The following NPHP1 variants were observed in gnomAD, a reference collection of about 807,000 sequenced individuals.
The protein encoded by NPHP1 is nephrocystin-1.
NPHP1 carries 70 observed loss-of-function variants against 90.4 expected under a neutral mutation model. The observed-to-expected ratio is 0.77, with a 90% CI of 0.64 to 0.95. NPHP1 has a LOEUF of 0.95. Among genes scored for constraint, NPHP1 ranks in the 40% least tolerant of loss-of-function variants. NPHP1 has a pLI of 0.00. For synonymous variants in NPHP1, 256 were observed against 271.7 expected (o/e 0.94, Z 0.57); for missense variants, 764 against 795.9 (o/e 0.96, Z 0.48).
intron 18 of NPHP1, chr2:110,126,471 C>T (rs966912305): frequency 6.6e-6 from 1 of 152,356 alleles, no homozygotes; most frequent in Admixed American, 6.5e-5. Flanking sequence ...GAGCGTTTCT[C>T]AGCAGGAGAT....
At chr2:110,160,845 T>A (rs946072954) in intron 10 of NPHP1, among the ~76,000 whole-genome samples, 2 of 152,162 alleles carry the variant, frequency 1.3e-5, no homozygotes, top group Admixed American at 6.5e-5. Flanking sequence ...TACATTCTGC[T>A]TTACGGTCAT....
At chr2:110,175,827 C>T (rs1362452043) in intron 4 of NPHP1, among the ~76,000 whole-genome samples, 1 of 152,086 alleles carries the variant, frequency 6.6e-6, no homozygotes, top group Non-Finnish European at 1.5e-5. Context: ...TCTGAGACTT[C>T]AATTACAAAT....
chr2:110,197,899 A>T (rs892267069), intron 2 of NPHP1, among the ~76,000 whole-genome samples: 21 of 152,198 alleles, frequency 1.4e-4, no homozygotes, highest in African/African-American at 5.1e-4. Flanking sequence ...CCAAGAAAAT[A>T]AATTACTTAT....
At chr2:110,131,859 T>C (rs1679809313) in intron 16 of NPHP1, 68 bp from the exon 17 acceptor site, 1 of 1,034,050 alleles carries the variant, frequency 9.7e-7, no homozygotes, top group South Asian at 1.4e-5. Context: ...TGTTTTGATG[T>C]ATATTACTTT....
Position 110,131,676 on chromosome 2 carries a change from T to A in NPHP1, c.1642+3A>T, listed in dbSNP as rs993555981. On this transcript the variant is annotated splice_donor_region_variant and intron_variant, in intron 17 of 19. Transcript: ENST00000445609. ...ACATAAGGAAGTGGCAAAGCCCACT[T>A]ACCAGTACTTTGCAAGCTCATCCTG... 1.3e-6 allele frequency: 2 copies of A among 1,592,512 alleles called. No homozygotes were observed. The highest frequency in any genetic ancestry group is 2.7e-5 in the African/African-American group (2 of 74,534).
At chr2:110,181,667 C>T (rs1683915263) in intron 2 of NPHP1, among the ~76,000 whole-genome samples, 1 of 152,078 alleles carries the variant, frequency 6.6e-6, no homozygotes, top group Non-Finnish European at 1.5e-5. Context: ...GGCAAATAAG[C>T]CCACAAAGAT....
Position 110,179,668 on chromosome 2 carries a change from G to A in NPHP1, c.160C>T (p.Gln54Ter). The A allele has an allele frequency of 7.3e-7, 1 of 1,362,876 alleles. No individual in the cohort carries two copies. The allele number at this position is 1,362,876 out of a possible 1,614,324, so 84.4% of individuals were successfully genotyped here. ...HIYQRCIQLK[Q>*]AIDENKNALQ... ...GCATTTTTATTTTCATCTATTGCCT[G>A]CTTTAACTGGATACATCTAAATTAA... The change falls in exon 3 of 20, where the codon CAG becomes TAG. Residue 54 changes from glutamine (Q) to a stop codon, truncating the protein, a stop_gained. Transcript: ENST00000445609. LOFTEE classifies it high-confidence loss of function.
chr2:110,178,633 C>T, intron 3 of NPHP1, 86 bp from the exon 4 acceptor site: 1 of 1,248,954 alleles, frequency 8.0e-7, no homozygotes. Flanking sequence ...CCAATAAGTG[C>T]TATATAACAA....
chr2:110,203,638 C>G (rs1293962115), intron 1 of NPHP1, among the ~76,000 whole-genome samples: 1 of 152,020 alleles, frequency 6.6e-6, no homozygotes. Context: ...ATCAGTGAAT[C>G]TCTTACCGGC....
chr2:110,184,312 T>A, intron 2 of NPHP1: 1 of 608,406 alleles, frequency 1.6e-6, no homozygotes, highest in Non-Finnish European at 3.2e-6. Flanking sequence ...TGGAACGACA[T>A]GGAACACATC....
intron 4 of NPHP1, among the ~76,000 whole-genome samples, chr2:110,177,026 C>G (rs929840923): frequency 2.0e-5 from 3 of 152,166 alleles, no homozygotes; most frequent in Admixed American, 6.5e-5. Flanking sequence ...TCTCTGTCTC[C>G]TCAGTCGAGT....
Position 110,140,052 on chromosome 2 carries a change from C to A in NPHP1, c.1529+3490G>T, listed in dbSNP as rs376722915. On this transcript the variant is annotated intron_variant, in intron 16 of 19. Coordinates refer to ENST00000445609, the MANE Select transcript of NPHP1 (RefSeq NM_001128178.3). ...CCGCCCCCTGACTACAGCCCCCAGC[C>A]CTGCTGCAAGGCCCAGGTTTCACTG... is the stretch of plus-strand genomic sequence containing the variant. 3.0e-4 allele frequency among the ~76,000 whole-genome samples: 46 copies of A among 152,196 alleles called. No homozygotes were observed. The East Asian group carries it at 8.3e-3, about 27-fold the overall frequency.
chr2:110,185,753 A>G (rs1684239507), intron 2 of NPHP1, among the ~76,000 whole-genome samples: 1 of 152,138 alleles, frequency 6.6e-6, no homozygotes, highest in African/African-American at 2.4e-5. Context: ...TAATACAGAG[A>G]CTGGAAAGTC....
At chr2:110,169,536 C>T (rs1682961392) in intron 5 of NPHP1, among the ~76,000 whole-genome samples, 2 of 152,102 alleles carry the variant, frequency 1.3e-5, no homozygotes, top group South Asian at 2.1e-4. Flanking sequence ...TGAATTTATA[C>T]ATGACATTCA....
At position 110,145,077 on chromosome 2, in the gene NPHP1, C is replaced by T. The variant is rs139998523; in HGVS notation, c.1353-508G>A. 3.0e-3 allele frequency among the ~76,000 whole-genome samples: 454 copies of T among 152,176 alleles called. 3 individuals are homozygous for T. The highest frequency in any genetic ancestry group is 6.8e-3 in the Middle Eastern group (2 of 294). ...CCGCCTTCTCTAGTGTGGTTAATCT[C>T]CTGCCCTATCTTTTCTATGCAAATG... is the stretch of plus-strand genomic sequence containing the variant. On this transcript the variant is annotated intron_variant, in intron 14 of 19. Coordinates refer to ENST00000445609, the MANE Select transcript of NPHP1 (RefSeq NM_001128178.3).
intron 1 of NPHP1, 91 bp downstream of exon 1, chr2:110,204,809 G>A (rs1463149250): frequency 1.5e-6 from 2 of 1,355,836 alleles, no homozygotes; most frequent in Non-Finnish European, 2.1e-6. Context: ...AAGCTCCCAG[G>A]ATTAGGTGGG....
At chr2:110,201,353 C>G (rs757031925) in intron 2 of NPHP1, 68 bp downstream of exon 2, 5 of 998,424 alleles carry the variant, frequency 5.0e-6, no homozygotes, top group Non-Finnish European at 7.9e-6. Flanking sequence ...AATCTCTATG[C>G]CTTAAATACT....
At chr2:110,185,951 T>C (rs539827754) in intron 2 of NPHP1, among the ~76,000 whole-genome samples, 9 of 152,328 alleles carry the variant, frequency 5.9e-5, no homozygotes, top group South Asian at 2.1e-4. Context: ...TCCGTTCTTG[T>C]TGCAATGCCA....
At chr2:110,140,980 T>G (rs999760305) in intron 16 of NPHP1, among the ~76,000 whole-genome samples, 7 of 152,164 alleles carry the variant, frequency 4.6e-5, no homozygotes, top group African/African-American at 1.7e-4. Context: ...GCATGCCAAG[T>G]CTTCACTGAC....
Sources: allele counts gnomAD v4.1 joint callset (sites outside exome capture counted in the v4.1 genomes callset), GRCh38; gene constraint gnomAD v4.1.1; transcripts MANE v1.5; gene names NCBI Gene and HGNC (gene_info 2026-07-23, HGNC 2026-07-21).